Variants in DPYSL5 observed in about 807,000 individuals in gnomAD.
DPYSL5 encodes dihydropyrimidinase-related protein 5.
In DPYSL5, 9 loss-of-function variants were observed where a neutral mutation model predicts 58.4. That is an observed-to-expected ratio of 0.15 (90% CI 0.09 to 0.27). DPYSL5 has a LOEUF of 0.27. DPYSL5 is among the 10% of genes least tolerant of loss of function. DPYSL5 has a pLI of 1.00. For synonymous variants in DPYSL5, 293 were observed against 301.9 expected (o/e 0.97, Z 0.31); for missense variants, 499 against 770.6 (o/e 0.65, Z 4.17).
At chr2:26,870,995 T>C (rs1235012604) in intron 1 of DPYSL5, among the ~76,000 whole-genome samples, 2 of 152,248 alleles carry the variant, frequency 1.3e-5, no homozygotes, top group Non-Finnish European at 2.9e-5. Context: ...TCCTCAGTCA[T>C]ACGAACCACC....
At chr2:26,863,044 A>G (rs755712929) in intron 1 of DPYSL5, among the ~76,000 whole-genome samples, 5 of 152,078 alleles carry the variant, frequency 3.3e-5, no homozygotes, top group Non-Finnish European at 7.4e-5. Context: ...GCCTCTCTCC[A>G]ACACAGCGGG....
At chr2:26,904,610 A>T (rs1022897422) in intron 2 of DPYSL5, among the ~76,000 whole-genome samples, 2 of 152,158 alleles carry the variant, frequency 1.3e-5, no homozygotes, top group African/African-American at 4.8e-5. Flanking sequence ...CCCAGAGAGG[A>T]TGCATGAACG....
Position 26,933,417 on chromosome 2 carries a change from G to A in DPYSL5, c.790+84G>A. 1.5e-6 allele frequency: 2 copies of A among 1,338,062 alleles called. No homozygotes were observed. The highest frequency in any genetic ancestry group is 2.4e-5 in the South Asian group (2 of 84,020). 82.9% of individuals were successfully genotyped at this position (1,338,062 alleles called of 1,614,324 possible). Reference sequence around the variant, plus strand: ...GGGCCCATTAGCCGTGCTCACTCCTGGCCCCGGCTCCTGAAACCAGGACCT... The same window carrying A: ...GGGCCCATTAGCCGTGCTCACTCCTAGCCCCGGCTCCTGAAACCAGGACCT... On this transcript the variant is annotated intron_variant, in intron 7 of 12. Coordinates refer to ENST00000288699, the MANE Select transcript of DPYSL5 (RefSeq NM_020134.4). The surrounding 1 kb of genome is among the most constrained non-coding windows in gnomAD (Gnocchi z 4.2).
chr2:26,857,173 ATTG>A (rs1210431845), intron 1 of DPYSL5, among the ~76,000 whole-genome samples: 1 of 152,010 alleles, frequency 6.6e-6, no homozygotes, highest in African/African-American at 2.4e-5. Context: ...AGTGCTTTTT[ATTG>A]TTAACTAATT....
intron 8 of DPYSL5, chr2:26,938,614 T>G (rs1340039702): frequency 6.6e-6 from 1 of 152,168 alleles, no homozygotes; most frequent in Non-Finnish European, 1.5e-5. Flanking sequence ...CCCTGCCAGG[T>G]CCCCCGTGGA....
chr2:26,932,187 G>T (rs1247345882), intron 6 of DPYSL5, among the ~76,000 whole-genome samples: 3 of 78,822 alleles, frequency 3.8e-5, no homozygotes, highest in Admixed American at 1.1e-4. Flanking sequence ...AAGAAAGAAA[G>T]AAAGAAAGAA....
At chr2:26,930,999 C>T (rs1664957828) in intron 5 of DPYSL5, among the ~76,000 whole-genome samples, 1 of 148,886 alleles carries the variant, frequency 6.7e-6, no homozygotes, top group African/African-American at 2.5e-5. Context: ...ATTAGCCAAG[C>T]ATGGTAGCGC....
chr2:26,933,306 G>A lies in DPYSL5; in HGVS notation c.763G>A (p.Asp255Asn), dbSNP rs143909555. ...CAACGTGTCCAGTATCTCGGCTGGTGACGTTATCGCAGCTGCTAAGATGCA... is the reference window on the plus strand; with the variant it reads ...CAACGTGTCCAGTATCTCGGCTGGTAACGTTATCGCAGCTGCTAAGATGCA... ...LVNVSSISAGDVIAAAKMQGK... is the reference protein window; with the variant it reads ...LVNVSSISAGNVIAAAKMQGK... The change falls in exon 7 of 13, where the codon GAC (aspartate) becomes AAC (asparagine). Residue 255 changes from aspartate (D) to asparagine (N), a missense_variant. Around this residue, in one of 3 missense-constraint regions of DPYSL5, gnomAD observed 404 missense variants for 647.6 expected, o/e 0.62. Transcript: ENST00000288699. This position sits in a 1 kb window ranked among gnomAD's most constrained non-coding sequence, Gnocchi z 4.2. The A allele has an allele frequency of 3.3e-5, 53 of 1,614,174 alleles. No homozygotes were observed. The African/African-American group carries it at 6.7e-4, about 20-fold the overall frequency.
Position 26,933,344 on chromosome 2 carries a change from A to C in DPYSL5, c.790+11A>C. The stretch of plus-strand genomic sequence containing the variant: ...CTGCTAAGATGCAAGGTGAGTCCAT[A>C]GACTTGGCTGGACAGAGCAGGTCAA... On this transcript the variant is annotated intron_variant, in intron 7 of 12. Coordinates refer to ENST00000288699, the MANE Select transcript of DPYSL5 (RefSeq NM_020134.4). This position sits in a 1 kb window ranked among gnomAD's most constrained non-coding sequence, Gnocchi z 4.2. The C allele has an allele frequency of 6.2e-7, 1 of 1,613,526 alleles. No homozygotes were observed. The highest frequency in any genetic ancestry group is 8.5e-7 in the Non-Finnish European group (1 of 1,179,632).
In DPYSL5 at chr2:26,901,737, C is replaced by T. The variant is rs551252566; in HGVS notation, c.261+2977C>T. Among the ~76,000 whole-genome samples, 18 of 152,234 alleles carry T rather than the reference C, an allele frequency of 1.2e-4. No individual in the cohort carries two copies. The South Asian group carries it at 1.5e-3, about 12-fold the overall frequency. ...CTTTTTGTTCTTGTCAGACAGATAG[C>T]GGGGCCCTGAACCCTGCACACAACA... On this transcript the variant is annotated intron_variant, in intron 2 of 12. Coordinates refer to ENST00000288699, the MANE Select transcript of DPYSL5 (RefSeq NM_020134.4).
intron 3 of DPYSL5, among the ~76,000 whole-genome samples, chr2:26,926,948 G>T (rs559724469): frequency 4.6e-5 from 7 of 152,294 alleles, no homozygotes; most frequent in African/African-American, 1.7e-4. Flanking sequence ...TACCATTAAG[G>T]CTGGTTTGGA....
intron 1 of DPYSL5, among the ~76,000 whole-genome samples, chr2:26,874,430 A>G (rs1663355124): frequency 6.6e-6 from 1 of 152,052 alleles, no homozygotes; most frequent in Non-Finnish European, 1.5e-5. Context: ...TTTTTCCCCA[A>G]ATGGATATCC....
intron 1 of DPYSL5, among the ~76,000 whole-genome samples, chr2:26,860,335 C>A (rs778608185): frequency 2.0e-5 from 3 of 152,202 alleles, no homozygotes; most frequent in African/African-American, 4.8e-5. Context: ...CACAACGCCT[C>A]TCCCCTCCTG....
At chr2:26,936,398 T>C (rs1184036067) in intron 8 of DPYSL5, among the ~76,000 whole-genome samples, 1 of 152,156 alleles carries the variant, frequency 6.6e-6, no homozygotes, top group Non-Finnish European at 1.5e-5. Flanking sequence ...TCCCGTTATG[T>C]TCACAACCTA....
chr2:26,941,119 T>C (rs1665311866), intron 9 of DPYSL5, among the ~76,000 whole-genome samples: 1 of 152,032 alleles, frequency 6.6e-6, no homozygotes, highest in Admixed American at 6.5e-5. Flanking sequence ...GTATTTTTTA[T>C]AGAGGCGGGT....
Position 26,905,148 on chromosome 2 carries a change from A to C in DPYSL5, c.261+6388A>C, listed in dbSNP as rs1664256695. ...TGAGGGTGTCTCAGAATGGATTTGC[A>C]TCAGGCAGGCAGCTGAGCGAGGTCT... On this transcript the variant is annotated intron_variant, in intron 2 of 12. Coordinates refer to ENST00000288699, the MANE Select transcript of DPYSL5 (RefSeq NM_020134.4). The surrounding 1 kb of genome is among the most constrained non-coding windows in gnomAD (Gnocchi z 4.0). Among the ~76,000 whole-genome samples the C allele has an allele frequency of 6.6e-6, 1 of 152,196 alleles. No individual in the cohort carries two copies. The highest frequency in any genetic ancestry group is 2.1e-4 in the South Asian group (1 of 4,832).
At chr2:26,895,439 G>C (rs993253328) in intron 1 of DPYSL5, among the ~76,000 whole-genome samples, 1 of 152,036 alleles carries the variant, frequency 6.6e-6, no homozygotes, top group Non-Finnish European at 1.5e-5. Context: ...TCCTATGTGT[G>C]TTTTTTCTTT....
At chr2:26,867,840 A>T (rs1203371130) in intron 1 of DPYSL5, among the ~76,000 whole-genome samples, 2 of 152,094 alleles carry the variant, frequency 1.3e-5, no homozygotes, top group African/African-American at 2.4e-5. Context: ...TTTTATTTCT[A>T]TGGAGAGAGT....
At chr2:26,855,823 C>T (rs1463026159) in intron 1 of DPYSL5, among the ~76,000 whole-genome samples, 1 of 152,192 alleles carries the variant, frequency 6.6e-6, no homozygotes, top group East Asian at 1.9e-4. Context: ...ACTATTGATA[C>T]AGAAGCCGCC....
Sources: allele counts gnomAD v4.1 joint callset (sites outside exome capture counted in the v4.1 genomes callset), GRCh38; gene constraint gnomAD v4.1.1; regional missense constraint gnomAD v4.1.1; non-coding constraint Gnocchi (gnomAD v3.1); transcripts MANE v1.5; gene names NCBI Gene and HGNC (gene_info 2026-07-23, HGNC 2026-07-21).